Variants in EP400 observed in about 807,000 individuals in gnomAD.
The protein encoded by EP400 is E1A binding protein p400.
EP400 carries 105 observed loss-of-function variants against 354.1 expected under a neutral mutation model. That is an observed-to-expected ratio of 0.30 (90% CI 0.25 to 0.35). The LOEUF (loss-of-function observed/expected upper bound fraction) is 0.35, where lower values mean the gene tolerates loss of function less well. Ranked by LOEUF, EP400 falls within the 10% of genes least tolerant of loss-of-function variation. The probability of loss-of-function intolerance (pLI) is 1.00; values close to 1 mark genes in which losing one functional copy is unlikely to be tolerated. For missense variants in EP400, 3,280 were observed against 4,121.0 expected (o/e 0.80, Z 5.59); for synonymous variants, 1,646 against 1,716.9 (o/e 0.96, Z 1.02).
rs375678786 is a variant in EP400, at chr12:132,023,666, G to A, written c.4691-111G>A. ...ACTACCTGATAAACATTTCTGTGGT[G>A]CTTCAGTTTATGATAGATGGTCATT... On this transcript the variant is annotated intron_variant, in intron 23 of 52. Coordinates refer to ENST00000389561, the MANE Select transcript of EP400 (RefSeq NM_015409.5). 12 of 914,180 alleles carry A rather than the reference G, an allele frequency of 1.3e-5. No homozygotes were observed. In the African/African-American group the frequency reaches 1.8e-4, roughly 13 times the overall value. 56.6% of individuals were successfully genotyped at this position (914,180 alleles called of 1,614,324 possible).
At chr12:132,028,407 T>C in intron 27 of EP400, 119 bp downstream of exon 27, 1 of 1,293,272 alleles carries the variant, frequency 7.7e-7, no homozygotes, top group Non-Finnish European at 1.1e-6. Flanking sequence ...CGCTGTCCCT[T>C]AGCGGTCTGT....
chr12:132,070,457 C>T lies in EP400; in HGVS notation c.9021+816C>T, dbSNP rs1896033608. Among the ~76,000 whole-genome samples the T allele has an allele frequency of 6.6e-6, 1 of 152,238 alleles. No individual in the cohort carries two copies. The highest frequency in any genetic ancestry group is 2.4e-5 in the African/African-American group (1 of 41,462). On this transcript the variant is annotated intron_variant, in intron 51 of 52. Coordinates refer to ENST00000389561, the MANE Select transcript of EP400 (RefSeq NM_015409.5). The surrounding 1 kb of genome is among the most constrained non-coding windows in gnomAD (Gnocchi z 4.1). ...CTTGTCTCAGAGGCCATGCTGGTCCCACGGCGCTCTCGCTATGAGCGGCAG... is the reference window on the plus strand; with the variant it reads ...CTTGTCTCAGAGGCCATGCTGGTCCTACGGCGCTCTCGCTATGAGCGGCAG...
At chr12:132,045,666 G>A (rs1895071355) in intron 38 of EP400, 61 bp from the exon 39 acceptor site, 2 of 1,604,816 alleles carry the variant, frequency 1.2e-6, no homozygotes, top group Non-Finnish European at 1.7e-6. Flanking sequence ...TCTTTGGCAA[G>A]AGGGAAGACC....
intron 12 of EP400, among the ~76,000 whole-genome samples, chr12:131,995,392 C>T (rs998712540): frequency 6.6e-6 from 1 of 151,252 alleles, no homozygotes; most frequent in East Asian, 2.0e-4. Context: ...CTGAATGTAC[C>T]GTTCATCCTG....
At chr12:132,015,555 A>G (rs970395224) in intron 19 of EP400, among the ~76,000 whole-genome samples, 1 of 152,148 alleles carries the variant, frequency 6.6e-6, no homozygotes, top group Non-Finnish European at 1.5e-5. Context: ...GTGCCCACAC[A>G]ATATGGTGGT....
In EP400 at chr12:131,991,345, C is replaced by A. The variant is rs1893027611; in HGVS notation, c.2630-62C>A. ...AGGCAGCAGGACCCTGCCTGGAAAG[C>A]AGAGACGCCCTCGCCAAGCATGGGG... On this transcript the variant is annotated intron_variant, in intron 9 of 52. Coordinates refer to ENST00000389561, the MANE Select transcript of EP400 (RefSeq NM_015409.5). 8 of 1,573,668 alleles carry A rather than the reference C, an allele frequency of 5.1e-6. No individual in the cohort carries two copies. In the Admixed American group the frequency reaches 1.2e-4, roughly 23 times the overall value.
At chr12:131,970,501 T>G (rs184150927) in intron 2 of EP400, among the ~76,000 whole-genome samples, 2 of 152,262 alleles carry the variant, frequency 1.3e-5, no homozygotes, top group Admixed American at 6.5e-5. Flanking sequence ...TGCAGTAATG[T>G]TCCTCGCAGC....
chr12:131,986,050 C>T (rs1892844638), intron 5 of EP400, among the ~76,000 whole-genome samples: 1 of 152,212 alleles, frequency 6.6e-6, no homozygotes, highest in Admixed American at 6.5e-5. Flanking sequence ...ACATGACTCA[C>T]TGCAGTCTCA....
chr12:131,998,753 A>G (rs1421495197), intron 12 of EP400, among the ~76,000 whole-genome samples: 2 of 1,028 alleles, frequency 1.9e-3, no homozygotes, highest in Admixed American at 0.012. Context: ...GACTTTGTAT[A>G]CAGTCTTGTA....
chr12:131,956,945 C>T (rs1367627613), intron 1 of EP400, among the ~76,000 whole-genome samples: 2 of 145,092 alleles, frequency 1.4e-5, no homozygotes, highest in African/African-American at 5.1e-5. Context: ...GCCCTTGGCT[C>T]ACTGCAACCT....
intron 19 of EP400, among the ~76,000 whole-genome samples, chr12:132,015,776 C>T (rs1295496959): frequency 3.3e-5 from 5 of 152,154 alleles, no homozygotes; most frequent in African/African-American, 1.2e-4. Context: ...ATTAGGTGTG[C>T]GCACGCCTCG....
At chr12:131,957,669 C>T (rs1172513916) in intron 1 of EP400, among the ~76,000 whole-genome samples, 1 of 151,948 alleles carries the variant, frequency 6.6e-6, no homozygotes, top group African/African-American at 2.4e-5. Flanking sequence ...AGTCTCGGCT[C>T]ACTGCAACCT....
rs1288593747 is a variant in EP400 at position 132,080,118 on chromosome 12, A to G, written c.*2445A>G. Reference sequence around the variant, plus strand: ...TCAGACTCTAATTGGCGACCCTGGGAAACAGTTGCCCTGCTATTCTTTAAA... The same window carrying G: ...TCAGACTCTAATTGGCGACCCTGGGGAACAGTTGCCCTGCTATTCTTTAAA... On this transcript the variant is annotated 3_prime_UTR_variant, in exon 53 of 53. Transcript: ENST00000389561. The G allele has an allele frequency of 3.3e-5, 5 of 152,216 alleles. No homozygotes were observed. Among genetic ancestry groups the G allele is most frequent in the African/African-American group, 1.2e-4 (5 of 41,454 alleles). The allele number at this position is 152,216 out of a possible 1,614,324, so 9.4% of individuals were successfully genotyped here. A position where few individuals can be genotyped will look rare whatever the true frequency, so the allele number is the denominator to read the frequency against.
intron 1 of EP400, among the ~76,000 whole-genome samples, chr12:131,953,626 T>C (rs368715786): frequency 1.3e-5 from 2 of 152,252 alleles, no homozygotes; most frequent in African/African-American, 2.4e-5. Context: ...GGAATTTATA[T>C]ATTTCAGGAA....
At chr12:132,066,632 GT>G (rs1895902379) in intron 48 of EP400, 141 bp from the exon 49 acceptor site, 1 of 885,456 alleles carries the variant, frequency 1.1e-6, no homozygotes, top group Non-Finnish European at 1.7e-6. Context: ...AGATCTCTCA[GT>G]TTTCCTTTCC....
intron 12 of EP400, among the ~76,000 whole-genome samples, chr12:132,000,409 A>G (rs1223002373): frequency 6.6e-6 from 1 of 152,200 alleles, no homozygotes; most frequent in Non-Finnish European, 1.5e-5. Context: ...CATTCCATAC[A>G]TGCTTTAAAA....
At chr12:132,023,277 C>T (rs920489473) in intron 23 of EP400, among the ~76,000 whole-genome samples, 2 of 147,510 alleles carry the variant, frequency 1.4e-5, no homozygotes, top group Non-Finnish European at 3.0e-5. Flanking sequence ...GGATTACAGG[C>T]GCCCACCACC....
At position 132,043,522 on chromosome 12, in the gene EP400, A is replaced by G. The variant is rs77948566; in HGVS notation, c.6366+60A>G. Reference sequence around the variant, plus strand: ...TAAAAATTTGACGCTTCTATAAAATATTTATTGTTTACTGCAAGAAAAATC... The same window carrying G: ...TAAAAATTTGACGCTTCTATAAAATGTTTATTGTTTACTGCAAGAAAAATC... On this transcript the variant is annotated intron_variant, in intron 33 of 52. Coordinates refer to ENST00000389561, the MANE Select transcript of EP400 (RefSeq NM_015409.5). The G allele has an allele frequency of 3.2e-3, 5,105 of 1,592,364 alleles. 13 individuals are homozygous for G. The highest frequency in any genetic ancestry group is 4.9e-3 in the Middle Eastern group (23 of 4,728).
chr12:132,037,230 C>A (rs1235985870), intron 30 of EP400, among the ~76,000 whole-genome samples: 1 of 152,070 alleles, frequency 6.6e-6, no homozygotes, highest in Non-Finnish European at 1.5e-5. Context: ...TGGTAGTGTA[C>A]CGGGGTTAGA....
Sources: allele counts gnomAD v4.1 joint callset (sites outside exome capture counted in the v4.1 genomes callset), GRCh38; gene constraint gnomAD v4.1.1; non-coding constraint Gnocchi (gnomAD v3.1); transcripts MANE v1.5; gene names NCBI Gene and HGNC (gene_info 2026-07-23, HGNC 2026-07-21).